ENTPD4: variants seen among roughly 807,000 people sequenced by gnomAD.
The protein encoded by ENTPD4 is Golgi UDPase.
ENTPD4 carries 60 observed loss-of-function variants against 79.1 expected under a neutral mutation model. That is an observed-to-expected ratio of 0.76 (90% CI 0.62 to 0.94). ENTPD4 has a LOEUF of 0.94. Among genes scored for constraint, ENTPD4 ranks in the 40% least tolerant of loss-of-function variants. The probability of loss-of-function intolerance (pLI) is 0.00; values close to 1 mark genes in which losing one functional copy is unlikely to be tolerated. For synonymous variants in ENTPD4, 276 were observed against 292.0 expected (o/e 0.95, Z 0.56); for missense variants, 772 against 775.1 (o/e 1.00, Z 0.05).
chr8:23,448,585 A>G (rs1395469747), intron 3 of ENTPD4, among the ~76,000 whole-genome samples, 157 bp downstream of exon 3: 1 of 152,138 alleles, frequency 6.6e-6, no homozygotes, highest in African/African-American at 2.4e-5. Context: ...AACCTATGGC[A>G]CCTTGATCGT....
chr8:23,436,002 A>G (rs1321446519), intron 10 of ENTPD4, among the ~76,000 whole-genome samples: 1 of 152,168 alleles, frequency 6.6e-6, no homozygotes, highest in Non-Finnish European at 1.5e-5. Context: ...CGAGGTGGCT[A>G]CCATCCCGAC....
At chr8:23,445,090 A>G (rs1800743135) in intron 4 of ENTPD4, among the ~76,000 whole-genome samples, 1 of 152,120 alleles carries the variant, frequency 6.6e-6, no homozygotes, top group South Asian at 2.1e-4. Context: ...AACTTTCACT[A>G]CAAACCTGCT....
At chr8:23,439,096 T>A (rs964015504) in intron 9 of ENTPD4, among the ~76,000 whole-genome samples, 2 of 152,212 alleles carry the variant, frequency 1.3e-5, no homozygotes, top group South Asian at 2.1e-4. Context: ...AAATTTCAAA[T>A]AAATAAGTGC....
chr8:23,443,795 G>T (rs2117292599), intron 6 of ENTPD4, 55 bp downstream of exon 6: 1 of 1,010,928 alleles, frequency 9.9e-7, no homozygotes, highest in East Asian at 2.4e-5. Context: ...GTGAAAATGG[G>T]GAGGATTTAA....
chr8:23,434,595 A>C, intron 11 of ENTPD4, 117 bp from the exon 12 acceptor site: 1 of 1,506,910 alleles, frequency 6.6e-7, no homozygotes, highest in Non-Finnish European at 8.9e-7. Flanking sequence ...GGGCTTCCTC[A>C]GGCCGGCTCT....
chr8:23,434,698 T>G (rs1424722824), intron 11 of ENTPD4: 1 of 1,385,292 alleles, frequency 7.2e-7, no homozygotes, highest in Non-Finnish European at 9.3e-7. Flanking sequence ...AATCAATCAG[T>G]GCATGAACCC....
chr8:23,431,576 G>C lies in ENTPD4; in HGVS notation c.*1350C>G. 1.0e-6 allele frequency: 1 copy of C among 985,366 alleles called. No homozygotes were observed. Among genetic ancestry groups the C allele is most frequent in the Non-Finnish European group, 1.2e-6 (1 of 829,930 alleles). The allele number at this position is 985,366 out of a possible 1,614,324, so 61.0% of individuals were successfully genotyped here. A position where few individuals can be genotyped will look rare whatever the true frequency, so the allele number is the denominator to read the frequency against. On this transcript the variant is annotated 3_prime_UTR_variant, in exon 13 of 13. Transcript: ENST00000358689. Reference sequence around the variant, plus strand: ...ATTGGATGCAGACTCTTCCCTTCTGGATTTACAGTGGTGCTGCCAGCAACA... The same window carrying C: ...ATTGGATGCAGACTCTTCCCTTCTGCATTTACAGTGGTGCTGCCAGCAACA...
intron 9 of ENTPD4, among the ~76,000 whole-genome samples, chr8:23,438,141 A>G (rs1440903031): frequency 6.6e-6 from 1 of 152,166 alleles, no homozygotes; most frequent in East Asian, 1.9e-4. Context: ...CTGTCATCCT[A>G]TTGTGTGTGC....
At chr8:23,435,875 A>G (rs1800548251) in intron 10 of ENTPD4, among the ~76,000 whole-genome samples, 1 of 152,226 alleles carries the variant, frequency 6.6e-6, no homozygotes, top group Non-Finnish European at 1.5e-5. Flanking sequence ...ATAACTGCAA[A>G]AGGTTTTTGT....
At position 23,448,735 on chromosome 8, in the gene ENTPD4, C is replaced by G. The variant is rs756338511; in HGVS notation, c.206+7G>C. The G allele has an allele frequency of 1.4e-5, 23 of 1,612,050 alleles. No individual in the cohort carries two copies. In the East Asian group the frequency reaches 4.9e-4, roughly 34 times the overall value. ...TGGTCTAGAAAGCAAATGTTTTTAT[C>G]TCTTACCTTTGAAATTTCTTGTCTC... On this transcript the variant is annotated splice_region_variant and intron_variant, in intron 3 of 12. Coordinates refer to ENST00000358689, the MANE Select transcript of ENTPD4 (RefSeq NM_004901.5).
intron 1 of ENTPD4, among the ~76,000 whole-genome samples, chr8:23,451,001 T>C (rs1167850788): frequency 6.7e-6 from 1 of 150,184 alleles, no homozygotes; most frequent in Admixed American, 6.7e-5. Flanking sequence ...ATCTTCCAAA[T>C]GTAATTTCTT....
At chr8:23,443,024 T>A (rs980377848) in intron 6 of ENTPD4, among the ~76,000 whole-genome samples, 2 of 152,124 alleles carry the variant, frequency 1.3e-5, no homozygotes, top group Non-Finnish European at 2.9e-5. Context: ...CTGTCCTGAG[T>A]CAAGTCCTTT....
rs369176258 is a variant in ENTPD4 at position 23,447,898 on chromosome 8, C to T, written c.207-13G>A. ...TCGTGCCAGGTACCTTGTATAGAAA[C>T]ACACGTATGCTTTGATTTAGACAAA... On this transcript the variant is annotated splice_polypyrimidine_tract_variant and intron_variant, in intron 3 of 12. Transcript: ENST00000358689. 96 of 1,606,362 alleles carry T rather than the reference C, an allele frequency of 6.0e-5. No individual in the cohort carries two copies. Among genetic ancestry groups the T allele is most frequent in the Non-Finnish European group, 7.8e-5 (92 of 1,173,026 alleles).
intron 8 of ENTPD4, 114 bp downstream of exon 8, chr8:23,441,455 C>T: frequency 1.3e-6 from 2 of 1,507,458 alleles, no homozygotes; most frequent in South Asian, 2.7e-5. Context: ...TGAGAGGCGG[C>T]ACCTCAGCCA....
In ENTPD4 at chr8:23,449,039, G is replaced by C. The variant is rs369033369; in HGVS notation, c.9-100C>G. ...TAAGATATTTGGCTTGAGCTACCTG[G>C]ATTTCCCTAACTGTAGGTATCTGTA... On this transcript the variant is annotated intron_variant, in intron 2 of 12. Coordinates refer to ENST00000358689, the MANE Select transcript of ENTPD4 (RefSeq NM_004901.5). 2.5e-4 allele frequency: 231 copies of C among 928,062 alleles called. 3 individuals are homozygous for C. Among genetic ancestry groups the C allele is most frequent in the South Asian group, 1.9e-3 (122 of 64,538 alleles). 57.5% of individuals were successfully genotyped at this position (928,062 alleles called of 1,614,324 possible). A position where few individuals can be genotyped will look rare whatever the true frequency, so the allele number is the denominator to read the frequency against.
At chr8:23,446,600 G>A (rs1268951317) in intron 4 of ENTPD4, among the ~76,000 whole-genome samples, 1 of 152,108 alleles carries the variant, frequency 6.6e-6, no homozygotes, top group Non-Finnish European at 1.5e-5. Context: ...GAAAAGTGAG[G>A]TACAGACTTT....
intron 3 of ENTPD4, among the ~76,000 whole-genome samples, chr8:23,448,106 T>C (rs750326738): frequency 1.3e-5 from 2 of 152,180 alleles, no homozygotes; most frequent in Non-Finnish European, 2.9e-5. Context: ...TTACAGAAGT[T>C]CAAACAAATT....
chr8:23,430,252 CCCTT>C lies in ENTPD4; in HGVS notation c.*2670_*2673del. On this transcript the variant is annotated 3_prime_UTR_variant, in exon 13 of 13. Transcript: ENST00000358689. ...ACATCTCCATACGGCATAATGAACT[CCCTT>C]GAGTGGTCTCTTTTTAAACAATTTT... 1 of 985,428 alleles carries C rather than the reference CCCTT, an allele frequency of 1.0e-6. No individual in the cohort carries two copies. The highest frequency in any genetic ancestry group is 1.2e-6 in the Non-Finnish European group (1 of 829,940). 61.0% of individuals were successfully genotyped at this position (985,428 alleles called of 1,614,324 possible). A position where few individuals can be genotyped will look rare whatever the true frequency, so the allele number is the denominator to read the frequency against.
At chr8:23,453,886 G>C (rs982363542) in intron 1 of ENTPD4, among the ~76,000 whole-genome samples, 1 of 152,162 alleles carries the variant, frequency 6.6e-6, no homozygotes, top group Non-Finnish European at 1.5e-5. Flanking sequence ...TGTCCACTGT[G>C]GGGTACATTT....
Sources: allele counts gnomAD v4.1 joint callset (sites outside exome capture counted in the v4.1 genomes callset), GRCh38; gene constraint gnomAD v4.1.1; transcripts MANE v1.5; gene names NCBI Gene and HGNC (gene_info 2026-07-23, HGNC 2026-07-21).